The following COX6B1 variants were observed in gnomAD, a reference collection of about 807,000 sequenced individuals.
COX6B1 encodes COX VIb-1.
In COX6B1, 2 loss-of-function variants were observed where a neutral mutation model predicts 14.0. The ratio of observed to expected loss-of-function variants is 0.14; its 90% confidence interval spans 0.06 to 0.45. The LOEUF (loss-of-function observed/expected upper bound fraction) is 0.45, where lower values mean the gene tolerates loss of function less well. Ranked by LOEUF, COX6B1 falls within the 20% of genes least tolerant of loss-of-function variation. COX6B1 has a pLI of 0.98. For synonymous variants in COX6B1, 30 were observed against 39.7 expected, an observed-to-expected ratio of 0.76 and a Z score of 0.92; for missense variants, 81 against 114.2, an observed-to-expected ratio of 0.71 and a Z score of 1.33.
chr19:35,654,642 G>A lies in COX6B1; in HGVS notation c.178G>A (p.Val60Met). The A allele has an allele frequency of 6.2e-7, 1 of 1,614,194 alleles. No individual in the cohort carries two copies. Residue 60 changes from valine to methionine, a missense_variant, in exon 3 of 4, where the codon GTG becomes ATG. Val to Met is a conservative substitution (Grantham distance 21). Coordinates refer to ENST00000649813, the MANE Select transcript of COX6B1 (RefSeq NM_001863.5). ...DISVCEWYQR[V>M]YQSLCPTSWV... is the part of the protein sequence containing the mutation. ...CTCTGTGTGCGAATGGTACCAGCGT[G>A]TGTACCAGTCCCTCTGCCCCACATC...
intron 1 of COX6B1, among the ~76,000 whole-genome samples, chr19:35,649,672 G>A (rs906927815): frequency 6.6e-6 from 1 of 152,022 alleles, no homozygotes; most frequent in African/African-American, 2.4e-5. Context: ...TAGAGATGGG[G>A]TTTCACCATA....
intron 1 of COX6B1, among the ~76,000 whole-genome samples, chr19:35,649,479 A>ATTT (rs59460933): frequency 2.2e-5 from 3 of 135,168 alleles, no homozygotes; most frequent in Non-Finnish European, 3.2e-5. Context: ...GCTAATTTTA[A>ATTT]TTTTTTTTTT....
intron 3 of COX6B1, among the ~76,000 whole-genome samples, chr19:35,657,783 A>G (rs1967903763): frequency 6.7e-6 from 1 of 150,344 alleles, no homozygotes; most frequent in South Asian, 2.1e-4. Flanking sequence ...CAGCCTCCCT[A>G]GTAGCTGTGA....
At chr19:35,656,232 C>T (rs547292879) in intron 3 of COX6B1, among the ~76,000 whole-genome samples, 3 of 152,224 alleles carry the variant, frequency 2.0e-5, no homozygotes, top group South Asian at 2.1e-4. Context: ...CAGAGTTGTT[C>T]GTAATGGAGA....
chr19:35,649,163 C>T (rs1967796370), intron 1 of COX6B1, among the ~76,000 whole-genome samples: 1 of 152,062 alleles, frequency 6.6e-6, no homozygotes. Flanking sequence ...AACCCTGGGT[C>T]CGCAGAGTTG....
At chr19:35,648,986 A>G in intron 1 of COX6B1, 1 of 525,540 alleles carries the variant, frequency 1.9e-6, no homozygotes, top group Non-Finnish European at 3.9e-6. Context: ...AGACTGTTTT[A>G]GTGCTCCAGA....
Position 35,654,592 on chromosome 19 carries a change from C to G in COX6B1, c.128C>G (p.Ala43Gly), listed in dbSNP as rs1366760644. ...ACAGACTTCCACCGCTGTCAGAAGG[C>G]AATGACCGCTAAAGGAGGCGATATC... Reference protein sequence around the residue: ...NYLDFHRCQKAMTAKGGDISV... With the variant: ...NYLDFHRCQKGMTAKGGDISV... Residue 43 changes from alanine (A) to glycine (G), a missense_variant, in exon 3 of 4, where the codon GCA becomes GGA. Transcript: ENST00000649813. 1 of 1,613,982 alleles carries G rather than the reference C, an allele frequency of 6.2e-7. No individual in the cohort carries two copies. Among genetic ancestry groups the G allele is most frequent in the Non-Finnish European group, 8.5e-7 (1 of 1,180,008 alleles).
Position 35,649,155 on chromosome 19 carries a change from C to A in COX6B1, c.-12+752C>A, listed in dbSNP as rs1249935191. Among the ~76,000 whole-genome samples, 4 of 152,086 alleles carry A rather than the reference C, an allele frequency of 2.6e-5. No individual in the cohort carries two copies. In the East Asian group the frequency reaches 7.7e-4, roughly 29 times the overall value. On this transcript the variant is annotated intron_variant, in intron 1 of 3. Coordinates refer to ENST00000649813, the MANE Select transcript of COX6B1 (RefSeq NM_001863.5). ...GAGACATTATATTAAAGGTGTTTAA[C>A]CCTGGGTCCGCAGAGTTGGTAGAAT...
At chr19:35,657,196 C>G (rs1020020821) in intron 3 of COX6B1, among the ~76,000 whole-genome samples, 1 of 151,704 alleles carries the variant, frequency 6.6e-6, no homozygotes, top group Admixed American at 6.6e-5. Flanking sequence ...AGCTTGTTTT[C>G]CTGCAACTAG....
At chr19:35,655,785 C>CTCTT (rs929091520) in intron 3 of COX6B1, among the ~76,000 whole-genome samples, 1 of 145,090 alleles carries the variant, frequency 6.9e-6, no homozygotes, top group Admixed American at 6.9e-5. Flanking sequence ...CTCTCTCTCT[C>CTCTT]TCTTTGTCGC....
At chr19:35,654,730 T>C (rs1568343225) in intron 3 of COX6B1, 59 bp downstream of exon 3, 9 of 1,493,684 alleles carry the variant, frequency 6.0e-6, no homozygotes, top group East Asian at 4.5e-5. Context: ...CAGAGGGGAG[T>C]GTGGTGGCTT....
chr19:35,652,904 T>G (rs983442643), intron 2 of COX6B1, among the ~76,000 whole-genome samples: 1 of 151,986 alleles, frequency 6.6e-6, no homozygotes, highest in Admixed American at 6.6e-5. Flanking sequence ...GTTCAAGTGA[T>G]TCTCCTGCCT....
intron 3 of COX6B1, among the ~76,000 whole-genome samples, chr19:35,656,776 C>T (rs1453456318): frequency 6.6e-6 from 1 of 152,304 alleles, no homozygotes; most frequent in Non-Finnish European, 1.5e-5. Flanking sequence ...CCACCACGCC[C>T]AGCCATGTTA....
At chr19:35,655,064 A>G (rs1967872580) in intron 3 of COX6B1, among the ~76,000 whole-genome samples, 1 of 138,840 alleles carries the variant, frequency 7.2e-6, no homozygotes, top group Admixed American at 7.8e-5. Flanking sequence ...CTGTGTTGCC[A>G]GGCTGGAAAG....
At chr19:35,657,522 T>C (rs1967899612) in intron 3 of COX6B1, among the ~76,000 whole-genome samples, 1 of 152,052 alleles carries the variant, frequency 6.6e-6, no homozygotes, top group African/African-American at 2.4e-5. Context: ...CCCTGCCTTA[T>C]AGCATAAAAT....
intron 1 of COX6B1, chr19:35,648,799 G>T (rs1967789348): frequency 1.9e-6 from 1 of 529,130 alleles, no homozygotes; most frequent in Non-Finnish European, 3.9e-6. Flanking sequence ...TGCCTGGGCC[G>T]CAGCCTGGCT....
In COX6B1 at chr19:35,658,757, C is replaced by T; in HGVS notation, c.*110C>T. ...AGGATCCTAAATCATGACTTACCTG[C>T]TAATAAAAACTCATTGGAAAAGTGA... On this transcript the variant is annotated 3_prime_UTR_variant, in exon 4 of 4. Coordinates refer to ENST00000649813, the MANE Select transcript of COX6B1 (RefSeq NM_001863.5). 3.1e-6 allele frequency: 3 copies of T among 966,860 alleles called. No individual in the cohort carries two copies. Among genetic ancestry groups the T allele is most frequent in the Non-Finnish European group, 4.9e-6 (3 of 607,938 alleles). 59.9% of individuals were successfully genotyped at this position (966,860 alleles called of 1,614,324 possible).
chr19:35,650,601 G>T (rs1006497153), intron 1 of COX6B1, among the ~76,000 whole-genome samples: 1 of 151,982 alleles, frequency 6.6e-6, no homozygotes, highest in Non-Finnish European at 1.5e-5. Context: ...TCAGCTGTTC[G>T]GGAGGCTGAG....
intron 3 of COX6B1, among the ~76,000 whole-genome samples, chr19:35,655,821 C>T (rs898262038): frequency 4.7e-5 from 7 of 147,380 alleles, no homozygotes; most frequent in African/African-American, 1.8e-4. Flanking sequence ...TGCTCTCTTT[C>T]TCTCTCGCTC....
Sources: gnomAD v4.1 joint callset for allele counts (sites outside exome capture counted in the v4.1 genomes callset) on GRCh38, gnomAD v4.1.1 for gene constraint, MANE v1.5 for transcripts, NCBI Gene and HGNC (gene_info 2026-07-23, HGNC 2026-07-21) for gene names.